Variants in ASAP1 observed in about 807,000 individuals in gnomAD.
ASAP1 encodes the protein ArfGAP with SH3 domain, ankyrin repeat and PH domain 1, also known as arf-GAP with SH3 domain, ANK repeat and PH domain-containing protein 1.
In ASAP1, 43 loss-of-function variants were observed where a neutral mutation model predicts 145.2. The observed-to-expected ratio is 0.30, with a 90% CI of 0.23 to 0.38. ASAP1 has a LOEUF of 0.38. Ranked by LOEUF, ASAP1 falls within the 10% of genes least tolerant of loss-of-function variation. The pLI is 1.00. For synonymous variants in ASAP1, 546 were observed against 515.5 expected, an observed-to-expected ratio of 1.06 and a Z score of -0.80; for missense variants, 1,018 against 1,355.3, an observed-to-expected ratio of 0.75 and a Z score of 3.91.
At chr8:130,152,840 A>T (rs3935174) in intron 12 of ASAP1, 35 bp from the exon 13 acceptor site, 526,925 of 1,483,730 alleles carry the variant, frequency 0.36, 98,110 homozygotes, top group East Asian at 0.65. Context: ...AGATATAGTA[A>T]CTGATTCACT....
intron 9 of ASAP1, among the ~76,000 whole-genome samples, chr8:130,176,504 A>G (rs1475346491): frequency 3.3e-5 from 5 of 152,072 alleles, no homozygotes; most frequent in Non-Finnish European, 7.4e-5. Context: ...TCTCCCTACA[A>G]GGTTTTTACT....
In ASAP1 at chr8:130,179,332, A is replaced by G. The variant is rs778848136; in HGVS notation, c.678T>C (p.Asn226=). ...LQMCEYLIKV[N]EIKTKKGVDL... is the part of the protein sequence containing the mutation. ...CCACACCCTTTTTGGTCTTGATTTC[A>G]TTAACTTTAATGAGATACTGTGAAA... The change falls in exon 9 of 30, where the codon AAT becomes AAC. Residue 226 remains asparagine, a synonymous_variant. Coordinates refer to ENST00000518721, the MANE Select transcript of ASAP1 (RefSeq NM_018482.4). 21 of 1,603,416 alleles carry G rather than the reference A, an allele frequency of 1.3e-5. 1 individual carries two copies. The South Asian group carries it at 2.0e-4, about 15-fold the overall frequency.
intron 1 of ASAP1, among the ~76,000 whole-genome samples, chr8:130,413,302 G>A (rs935740524): frequency 1.3e-5 from 2 of 152,172 alleles, no homozygotes; most frequent in South Asian, 2.1e-4. Flanking sequence ...AGCCTCGCTC[G>A]AGCTCATTCC....
At position 130,358,450 on chromosome 8, in the gene ASAP1, G is replaced by T. The variant is rs1050955846; in HGVS notation, c.60-307C>A. Reference sequence around the variant, plus strand: ...CCGGCGGCGGCAGCTCCTCAGCGGCGGGGGAGGGGACGCGGCTGCGCGCGG... The same window carrying T: ...CCGGCGGCGGCAGCTCCTCAGCGGCTGGGGAGGGGACGCGGCTGCGCGCGG... On this transcript the variant is annotated intron_variant, in intron 2 of 29. Transcript: ENST00000518721. This position sits in a 1 kb window ranked among gnomAD's most constrained non-coding sequence, Gnocchi z 4.1. Among the ~76,000 whole-genome samples the T allele has an allele frequency of 2.7e-5, 4 of 148,418 alleles. No individual in the cohort carries two copies. The highest frequency in any genetic ancestry group is 4.5e-5 in the Non-Finnish European group (3 of 66,508).
rs11414704 is a variant in ASAP1 at position 130,082,501 on chromosome 8, CTT to C, written c.2573-2532_2573-2531del. Among the ~76,000 whole-genome samples the C allele has an allele frequency of 2.9e-3, 385 of 130,626 alleles. 2 individuals are homozygous for C. The highest frequency in any genetic ancestry group is 9.8e-3 in the African/African-American group (350 of 35,772). 85.7% of individuals were successfully genotyped at this position (130,626 alleles called of 152,430 possible). On this transcript the variant is annotated intron_variant, in intron 25 of 29. Transcript: ENST00000518721. ...ACAGGTGTGAGCCACCACACGTGGC[CTT>C]TTTTTTTTTTTTTTTTAAGAGACAA...
At chr8:130,187,667 C>T (rs1184445469) in intron 6 of ASAP1, among the ~76,000 whole-genome samples, 1 of 152,148 alleles carries the variant, frequency 6.6e-6, no homozygotes, top group Non-Finnish European at 1.5e-5. Flanking sequence ...AATTTACCCG[C>T]CGCCATGGTC....
At chr8:130,342,101 C>T (rs1199198271) in intron 3 of ASAP1, among the ~76,000 whole-genome samples, 3 of 152,106 alleles carry the variant, frequency 2.0e-5, no homozygotes, top group East Asian at 1.9e-4. Flanking sequence ...AGGAAAGTGT[C>T]GGTCCTGAGC....
intron 27 of ASAP1, among the ~76,000 whole-genome samples, chr8:130,071,953 A>G (rs968981354): frequency 1.3e-5 from 2 of 152,212 alleles, no homozygotes; most frequent in African/African-American, 4.8e-5. Flanking sequence ...CCCTTGTTAT[A>G]GTCATCTGTT....
At chr8:130,101,585 T>G (rs190432243) in intron 24 of ASAP1, among the ~76,000 whole-genome samples, 1 of 152,090 alleles carries the variant, frequency 6.6e-6, no homozygotes, top group Non-Finnish European at 1.5e-5. Flanking sequence ...TTCTTTTTTT[T>G]TCTGAGACAG....
intron 3 of ASAP1, among the ~76,000 whole-genome samples, chr8:130,299,926 T>C (rs1345003547): frequency 1.3e-5 from 2 of 152,086 alleles, no homozygotes; most frequent in Non-Finnish European, 2.9e-5. Flanking sequence ...CAAATCTTCG[T>C]GGTGGACTGG....
chr8:130,353,953 C>T (rs1359567770), intron 3 of ASAP1, among the ~76,000 whole-genome samples: 1 of 151,856 alleles, frequency 6.6e-6, no homozygotes, highest in Non-Finnish European at 1.5e-5. Flanking sequence ...GTGGCGTGAT[C>T]CTGGCTCACT....
intron 3 of ASAP1, among the ~76,000 whole-genome samples, chr8:130,350,162 G>A (rs1825916346): frequency 6.6e-6 from 1 of 152,082 alleles, no homozygotes; most frequent in South Asian, 2.1e-4. Context: ...CAGCAGACTG[G>A]GCTAGCAAGA....
chr8:130,127,046 A>C (rs933247156), intron 16 of ASAP1, among the ~76,000 whole-genome samples: 1 of 152,194 alleles, frequency 6.6e-6, no homozygotes, highest in African/African-American at 2.4e-5. Context: ...TTCTCAGTAC[A>C]GCGGGAACAC....
intron 3 of ASAP1, among the ~76,000 whole-genome samples, chr8:130,243,627 A>G (rs905150687): frequency 2.0e-5 from 3 of 152,088 alleles, no homozygotes; most frequent in East Asian, 3.9e-4. Flanking sequence ...TCTAACCCCA[A>G]TGAGCTAGTC....
At position 130,425,334 on chromosome 8, in the gene ASAP1, A is replaced by AAT. The variant is rs371512778; in HGVS notation, c.-28+18124_-28+18125dup. Among the ~76,000 whole-genome samples the AAT allele has an allele frequency of 4.4e-4, 67 of 151,168 alleles. 2 individuals carry two copies. Among genetic ancestry groups the AAT allele is most frequent in the East Asian group, 2.9e-3 (15 of 5,150 alleles). On this transcript the variant is annotated intron_variant, in intron 1 of 29. Coordinates refer to ENST00000518721, the MANE Select transcript of ASAP1 (RefSeq NM_018482.4). The stretch of plus-strand genomic sequence containing the variant: ...GTGACAGAGTGAGACTCCATCTCAA[A>AAT]ATATATATATATATGTAAATAAAAA...
At chr8:130,247,180 A>G (rs1040790797) in intron 3 of ASAP1, 9 of 152,092 alleles carry the variant, frequency 5.9e-5, no homozygotes, top group Non-Finnish European at 1.2e-4. Context: ...TGGCACAGAC[A>G]TGTGTTTGCT....
chr8:130,271,516 T>C (rs947869113), intron 3 of ASAP1, among the ~76,000 whole-genome samples: 22 of 152,224 alleles, frequency 1.4e-4, no homozygotes, highest in Non-Finnish European at 1.0e-4. Flanking sequence ...CATTTCTACA[T>C]GTACCGCTCA....
intron 9 of ASAP1, among the ~76,000 whole-genome samples, chr8:130,171,433 G>C (rs895739969): frequency 2.0e-5 from 3 of 151,472 alleles, no homozygotes; most frequent in Non-Finnish European, 3.0e-5. Flanking sequence ...AGGGCGGCAG[G>C]AGAGAGAATA....
intron 11 of ASAP1, among the ~76,000 whole-genome samples, chr8:130,162,220 A>G (rs926561642): frequency 2.0e-5 from 3 of 152,202 alleles, no homozygotes. Flanking sequence ...GGACTGTACT[A>G]AATAGCAGAC....
Sources: allele counts gnomAD v4.1 joint callset (sites outside exome capture counted in the v4.1 genomes callset), GRCh38; gene constraint gnomAD v4.1.1; non-coding constraint Gnocchi (gnomAD v3.1); transcripts MANE v1.5; gene names NCBI Gene and HGNC (gene_info 2026-07-23, HGNC 2026-07-21).